Variants in ALDH7A1 observed in about 807,000 individuals in gnomAD.
The protein encoded by ALDH7A1 is alpha-aminoadipic semialdehyde dehydrogenase.
A neutral mutation model predicts 79.9 loss-of-function variants in ALDH7A1; 63 were observed. That is an observed-to-expected ratio of 0.79 (90% CI 0.64 to 0.97). ALDH7A1 has a LOEUF of 0.97. ALDH7A1 is among the 50% of genes least tolerant of loss of function. ALDH7A1 has a pLI of 0.00. For missense variants in ALDH7A1, 627 were observed against 665.2 expected, an observed-to-expected ratio of 0.94 and a Z score of 0.63; for synonymous variants, 240 against 231.2, an observed-to-expected ratio of 1.04 and a Z score of -0.34.
Position 126,595,061 on chromosome 5 carries a change from C to T in ALDH7A1, c.138G>A (p.Gly46=), listed in dbSNP as rs770975428. The change falls in exon 1 of 18, where the codon GGG becomes GGA. Residue 46 remains glycine (G), a synonymous_variant. Transcript: ENST00000409134. The stretch of plus-strand genomic sequence containing the variant: ...ACACGCCCTCGTTTTCCTCGCGGAG[C>T]CCCAGCTCTTTCAGCCACGCATACT... ...QPQYAWLKEL[G]LREENEGVYN... 32 of 1,609,570 alleles carry T rather than the reference C, an allele frequency of 2.0e-5. No individual in the cohort carries two copies. The highest frequency in any genetic ancestry group is 2.7e-5 in the Non-Finnish European group (32 of 1,178,212).
intron 9 of ALDH7A1, among the ~76,000 whole-genome samples, chr5:126,565,952 T>TA (rs1673344956): frequency 6.6e-6 from 1 of 152,242 alleles, no homozygotes; most frequent in Admixed American, 6.5e-5. Context: ...ATGTCTATCC[T>TA]TATGCTGGTG....
intron 10 of ALDH7A1, 99 bp from the exon 11 acceptor site, chr5:126,559,433 GGTTTTT>G: frequency 3.5e-6 from 2 of 569,824 alleles, no homozygotes; most frequent in Non-Finnish European, 2.8e-6. Flanking sequence ...TTTTGGTTTT[GGTTTTT>G]TTTTTTTTTT....
intron 9 of ALDH7A1, 39 bp from the exon 10 acceptor site, chr5:126,561,163 C>A: frequency 3.9e-6 from 6 of 1,519,048 alleles, no homozygotes; most frequent in Non-Finnish European, 5.4e-6. Context: ...TTAATGCCTA[C>A]TTCCATATTT....
intron 9 of ALDH7A1, among the ~76,000 whole-genome samples, chr5:126,566,785 A>G (rs1750597793): frequency 6.6e-6 from 1 of 152,060 alleles, no homozygotes; most frequent in East Asian, 1.9e-4. Flanking sequence ...TTCCACACTC[A>G]CTGTAAGTTC....
At chr5:126,557,028 GA>G (rs1750218676) in intron 11 of ALDH7A1, among the ~76,000 whole-genome samples, 1 of 151,908 alleles carries the variant, frequency 6.6e-6, no homozygotes, top group Non-Finnish European at 1.5e-5. Context: ...CAAAACACAT[GA>G]AAAAAATAAA....
intron 5 of ALDH7A1, among the ~76,000 whole-genome samples, chr5:126,578,628 G>C (rs557013256): frequency 3.8e-4 from 43 of 112,724 alleles, no homozygotes; most frequent in African/African-American, 1.6e-3. Context: ...AACAGAGTAA[G>C]ACCCTGTATC....
intron 6 of ALDH7A1, among the ~76,000 whole-genome samples, chr5:126,576,402 T>TA (rs1240975523): frequency 4.6e-5 from 7 of 152,164 alleles, no homozygotes; most frequent in African/African-American, 1.4e-4. Flanking sequence ...ACCACACATT[T>TA]AAAACAAATT....
In ALDH7A1 at chr5:126,583,937, T is replaced by G; in HGVS notation, c.388A>C (p.Ser130Arg). ...ALREKIQVLG[S>R]LVSLEMGKIL... ...ATACTACAAAAATACTTTACCAAGC[T>G]TCCTAGTACTTGGATCTTCTCCCGC... is the stretch of plus-strand genomic sequence containing the variant. Residue 130 changes from serine to arginine, a missense_variant, in exon 4 of 18, where the codon AGC becomes CGC. Transcript: ENST00000409134. 1 of 1,613,154 alleles carries G rather than the reference T, an allele frequency of 6.2e-7. No homozygotes were observed. Among genetic ancestry groups the G allele is most frequent in the Non-Finnish European group, 8.5e-7 (1 of 1,179,088 alleles).
intron 1 of ALDH7A1, chr5:126,593,783 A>G (rs971413045): frequency 3.6e-5 from 12 of 334,806 alleles, no homozygotes; most frequent in African/African-American, 8.5e-5. Context: ...CAAGGCAGGA[A>G]AACTGTTGGA....
In ALDH7A1 at chr5:126,577,313, C is replaced by A. The variant is rs902859491; in HGVS notation, c.518-102G>T. On this transcript the variant is annotated intron_variant, in intron 5 of 17. Transcript: ENST00000409134. Reference sequence around the variant, plus strand: ...AGCAGACTGGAGAAGATTCCAGATGCCTTATAGTGGGAAATTGCTACACAG... The same window carrying A: ...AGCAGACTGGAGAAGATTCCAGATGACTTATAGTGGGAAATTGCTACACAG... 1.0e-5 allele frequency: 15 copies of A among 1,476,084 alleles called. No homozygotes were observed. The Admixed American group carries it at 2.1e-4, about 21-fold the overall frequency. 91.4% of individuals were successfully genotyped at this position (1,476,084 alleles called of 1,614,324 possible).
chr5:126,563,813 C>A (rs769930587), intron 9 of ALDH7A1, among the ~76,000 whole-genome samples: 6 of 151,412 alleles, frequency 4.0e-5, no homozygotes, highest in Non-Finnish European at 7.4e-5. Context: ...TTCTTTCTTT[C>A]TTTTTTCAAG....
intron 6 of ALDH7A1, 119 bp downstream of exon 6, chr5:126,576,960 G>A: frequency 7.8e-7 from 1 of 1,286,358 alleles, no homozygotes; most frequent in Non-Finnish European, 1.1e-6. Context: ...TTTTATTGAA[G>A]AAGCCAGGTG....
intron 9 of ALDH7A1, chr5:126,564,311 A>C: frequency 3.4e-6 from 1 of 290,444 alleles, no homozygotes; most frequent in Non-Finnish European, 6.3e-6. Flanking sequence ...ACACCTAGCT[A>C]ATTTTTTTGT....
At chr5:126,577,031 G>C in intron 6 of ALDH7A1, 48 bp downstream of exon 6, 7 of 1,612,014 alleles carry the variant, frequency 4.3e-6, no homozygotes, top group Non-Finnish European at 5.9e-6. Context: ...ATCTAGAAAT[G>C]GCTATTTTTA....
chr5:126,594,317 G>T, intron 1 of ALDH7A1: 1 of 468,130 alleles, frequency 2.1e-6, no homozygotes, highest in South Asian at 1.6e-5. Context: ...ACTGAAGAAC[G>T]TTACCTGCGG....
In ALDH7A1 at chr5:126,559,331, A is replaced by C; in HGVS notation, c.917T>G (p.Phe306Cys). The change falls in exon 11 of 18, where the codon TTT (phenylalanine) becomes TGT (cysteine). Residue 306 changes from phenylalanine to cysteine, a missense_variant. By Grantham distance (205) the Phe-to-Cys change is radical. Coordinates refer to ENST00000409134, the MANE Select transcript of ALDH7A1 (RefSeq NM_001182.5). ...AACTAAGCTGAGGTCTGCATCTTCA[A>C]AGGCTTAGGAAAGCACAAACACTTC... Reference protein sequence around the residue: ...ELGGNNAIIAFEDADLSLVVP... With the variant: ...ELGGNNAIIACEDADLSLVVP... 1 of 1,613,640 alleles carries C rather than the reference A, an allele frequency of 6.2e-7. No individual in the cohort carries two copies. Among genetic ancestry groups the C allele is most frequent in the Non-Finnish European group, 8.5e-7 (1 of 1,179,636 alleles).
chr5:126,593,253 T>A, intron 2 of ALDH7A1, 98 bp downstream of exon 2: 1 of 1,544,116 alleles, frequency 6.5e-7, no homozygotes, highest in Admixed American at 1.8e-5. Flanking sequence ...CCTGCCTAAC[T>A]GGCTTCTGCC....
chr5:126,593,474 C>A (rs770486773), intron 1 of ALDH7A1, 70 bp from the exon 2 acceptor site: 1 of 1,600,582 alleles, frequency 6.2e-7, no homozygotes, highest in Non-Finnish European at 8.6e-7. Flanking sequence ...ATAGACCAAA[C>A]GGGGAAGAAA....
intron 6 of ALDH7A1, 97 bp downstream of exon 6, chr5:126,576,981 CA>C: frequency 6.7e-7 from 1 of 1,501,288 alleles, no homozygotes; most frequent in Non-Finnish European, 9.3e-7. Context: ...TGGTGATGCA[CA>C]CTTATAATCC....
Sources: gnomAD v4.1 joint callset for allele counts (sites outside exome capture counted in the v4.1 genomes callset) on GRCh38, gnomAD v4.1.1 for gene constraint, MANE v1.5 for transcripts, NCBI Gene and HGNC (gene_info 2026-07-23, HGNC 2026-07-21) for gene names.